The following GRIK4 variants were observed in gnomAD, a reference collection of about 807,000 sequenced individuals.
GRIK4 encodes the protein glutamate receptor ionotropic, kainate 4.
GRIK4 carries 40 observed loss-of-function variants against 104.9 expected under a neutral mutation model. The ratio of observed to expected loss-of-function variants is 0.38; its 90% CI spans 0.30 to 0.50. The LOEUF is 0.50. Ranked by LOEUF, GRIK4 falls within the 20% of genes least tolerant of loss-of-function variation. The pLI, the probability that GRIK4 is intolerant of heterozygous loss-of-function variation, is 0.93. For missense variants in GRIK4, 1,047 were observed against 1,308.1 expected (o/e 0.80, Z 3.08); for synonymous variants, 485 against 524.9 (o/e 0.92, Z 1.04).
chr11:120,536,900 A>G (rs1487616106), intron 1 of GRIK4, among the ~76,000 whole-genome samples: 1 of 152,206 alleles, frequency 6.6e-6, no homozygotes, highest in Non-Finnish European at 1.5e-5. Flanking sequence ...GCTGACCACC[A>G]GCTCTGCCCG....
At chr11:120,707,329 G>A (rs1029433586) in intron 3 of GRIK4, among the ~76,000 whole-genome samples, 2 of 152,226 alleles carry the variant, frequency 1.3e-5, no homozygotes, top group African/African-American at 2.4e-5. Context: ...GGCACAGCCA[G>A]TCTGCTGAGG....
At chr11:120,779,364 A>G (rs1042286131) in intron 3 of GRIK4, among the ~76,000 whole-genome samples, 1 of 152,122 alleles carries the variant, frequency 6.6e-6, no homozygotes, top group South Asian at 2.1e-4. Flanking sequence ...CCTTCAGAGG[A>G]AAGGGCATTT....
intron 13 of GRIK4, among the ~76,000 whole-genome samples, chr11:120,935,559 T>C (rs1943578476): frequency 6.6e-6 from 1 of 152,050 alleles, no homozygotes; most frequent in Non-Finnish European, 1.5e-5. Context: ...CTCAAAAAAA[T>C]AAAAATACTA....
At chr11:120,784,634 G>A (rs1952228014) in intron 3 of GRIK4, among the ~76,000 whole-genome samples, 1 of 152,116 alleles carries the variant, frequency 6.6e-6, no homozygotes, top group Non-Finnish European at 1.5e-5. Flanking sequence ...CTAGAATCAG[G>A]GATGTAACAT....
rs76608062 is a variant in GRIK4 at position 120,654,041 on chromosome 11, G to A, written c.-51+249G>A. Among the ~76,000 whole-genome samples the A allele has an allele frequency of 6.4e-3, 969 of 152,274 alleles. 9 individuals carry two copies. The highest frequency in any genetic ancestry group is 0.019 in the African/African-American group (782 of 41,546). Reference sequence around the variant, plus strand: ...CTGTCTTCCAAACTACCTAAAGTACGGGAATGAGGCCCAGCTCTGTCTAGG... The same window carrying A: ...CTGTCTTCCAAACTACCTAAAGTACAGGAATGAGGCCCAGCTCTGTCTAGG... On this transcript the variant is annotated intron_variant, in intron 2 of 20. Coordinates refer to ENST00000527524, the MANE Select transcript of GRIK4 (RefSeq NM_014619.5).
At chr11:120,684,875 A>C (rs1043406950) in intron 3 of GRIK4, among the ~76,000 whole-genome samples, 1 of 152,072 alleles carries the variant, frequency 6.6e-6, no homozygotes, top group African/African-American at 2.4e-5. Context: ...GCGCCCGGCT[A>C]ATTTTTTGTA....
intron 19 of GRIK4, among the ~76,000 whole-genome samples, chr11:120,970,190 G>C (rs759606045): frequency 6.6e-6 from 1 of 152,154 alleles, no homozygotes; most frequent in Non-Finnish European, 1.5e-5. Context: ...AATAGCCTTC[G>C]CACCAGGAGC....
chr11:120,913,004 CT>C (rs1238789523), intron 13 of GRIK4, among the ~76,000 whole-genome samples: 2 of 152,202 alleles, frequency 1.3e-5, no homozygotes, highest in African/African-American at 4.8e-5. Context: ...GTCTTAACCT[CT>C]TGACATTTGG....
At chr11:120,691,494 C>G (rs972091270) in intron 3 of GRIK4, among the ~76,000 whole-genome samples, 2 of 152,202 alleles carry the variant, frequency 1.3e-5, no homozygotes, top group Non-Finnish European at 1.5e-5. Flanking sequence ...ATAACTTTCT[C>G]AAGACCATAT....
At chr11:120,850,791 A>C (rs2135598502) in intron 8 of GRIK4, among the ~76,000 whole-genome samples, 1 of 133,390 alleles carries the variant, frequency 7.5e-6, no homozygotes, top group South Asian at 2.4e-4. Flanking sequence ...CATTATGGCA[A>C]ATCACATTAT....
rs776084492 is a variant in GRIK4, at chr11:120,986,261, T to G, written c.*1T>G. ...CACCAACAGCAGCGAGCCCGAGTAG[T>G]CCCGGAGGCCACAGGACGCGCAGAG... On this transcript the variant is annotated 3_prime_UTR_variant, in exon 21 of 21. Coordinates refer to ENST00000527524, the MANE Select transcript of GRIK4 (RefSeq NM_014619.5). 5.8e-5 allele frequency: 80 copies of G among 1,380,098 alleles called. No individual in the cohort carries two copies. Among genetic ancestry groups the G allele is most frequent in the Non-Finnish European group, 7.4e-5 (78 of 1,054,118 alleles). 85.5% of individuals were successfully genotyped at this position (1,380,098 alleles called of 1,614,324 possible).
At chr11:120,822,052 T>C (rs1953139889) in intron 6 of GRIK4, among the ~76,000 whole-genome samples, 1 of 151,514 alleles carries the variant, frequency 6.6e-6, no homozygotes, top group South Asian at 2.1e-4. Flanking sequence ...TTCTACTGAA[T>C]ATGTAAAAAT....
intron 1 of GRIK4, among the ~76,000 whole-genome samples, chr11:120,637,191 G>A (rs1002652994): frequency 1.3e-5 from 2 of 152,144 alleles, no homozygotes; most frequent in African/African-American, 4.8e-5. Context: ...CGCCAGGTGG[G>A]GGTGGGGAGA....
intron 8 of GRIK4, among the ~76,000 whole-genome samples, chr11:120,844,685 C>G (rs894563304): frequency 6.6e-6 from 1 of 152,168 alleles, no homozygotes. Context: ...GCAGGACCCC[C>G]GGTACTTGCT....
chr11:120,587,307 G>A (rs890660650), intron 1 of GRIK4, among the ~76,000 whole-genome samples: 1 of 152,062 alleles, frequency 6.6e-6, no homozygotes, highest in Admixed American at 6.6e-5. Flanking sequence ...GTGTGAGTAC[G>A]TGATTGGAGG....
At chr11:120,686,515 C>T (rs1159695880) in intron 3 of GRIK4, among the ~76,000 whole-genome samples, 1 of 152,220 alleles carries the variant, frequency 6.6e-6, no homozygotes, top group East Asian at 1.9e-4. Flanking sequence ...GGGGGCCTCA[C>T]ACAGTGCCTG....
intron 3 of GRIK4, among the ~76,000 whole-genome samples, chr11:120,800,236 G>A (rs1250396307): frequency 6.6e-6 from 1 of 152,172 alleles, no homozygotes; most frequent in Non-Finnish European, 1.5e-5. Flanking sequence ...GATGCAGGTG[G>A]AATTGTGATG....
intron 11 of GRIK4, among the ~76,000 whole-genome samples, chr11:120,881,272 T>G (rs1954961367): frequency 6.6e-6 from 1 of 152,254 alleles, no homozygotes; most frequent in African/African-American, 2.4e-5. Context: ...TTATTCATTC[T>G]GAACTCTGGG....
chr11:120,794,463 C>G (rs1388157356), intron 3 of GRIK4, among the ~76,000 whole-genome samples: 1 of 151,950 alleles, frequency 6.6e-6, no homozygotes. Context: ...CCTAAGACAT[C>G]AGAATGTGAC....
Sources: allele counts gnomAD v4.1 joint callset (sites outside exome capture counted in the v4.1 genomes callset), GRCh38; gene constraint gnomAD v4.1.1; transcripts MANE v1.5; gene names NCBI Gene and HGNC (gene_info 2026-07-23, HGNC 2026-07-21).